Variants in TMEM178B observed in about 807,000 individuals in gnomAD.
TMEM178B encodes transmembrane protein 178B.
TMEM178B carries 5 observed loss-of-function variants against 31.0 expected under a neutral mutation model. That is an observed-to-expected ratio of 0.16 (90% CI 0.08 to 0.34). The LOEUF (loss-of-function observed/expected upper bound fraction) is 0.34, where lower values mean the gene tolerates loss of function less well. TMEM178B is among the 10% of genes least tolerant of loss of function. The pLI is 1.00. For missense variants in TMEM178B, 275 were observed against 400.3 expected (o/e 0.69, Z 2.67); for synonymous variants, 164 against 164.0 (o/e 1.00, Z 0.00).
chr7:141,092,838 G>A (rs1304266771), intron 1 of TMEM178B, among the ~76,000 whole-genome samples: 3 of 152,152 alleles, frequency 2.0e-5, no homozygotes, highest in Non-Finnish European at 4.4e-5. Context: ...CCAAGAAGCT[G>A]ACATTTGAGT....
At chr7:141,484,926 C>CT, downstream of TMEM178B, among the ~76,000 whole-genome samples, 1 of 152,074 alleles carries the variant, frequency 6.6e-6, no homozygotes. This position sits in a 1 kb window ranked among gnomAD's most constrained non-coding sequence, Gnocchi z 4.8. Flanking sequence ...AAAAATCAGT[C>CT]TGAGGTTTCA....
Position 141,477,003 on chromosome 7 carries a change from T to G in TMEM178B, c.*6217T>G, listed in dbSNP as rs574860835. 292 of 154,922 alleles carry G rather than the reference T, an allele frequency of 1.9e-3. 1 individual carries two copies. The highest frequency in any genetic ancestry group is 3.4e-3 in the Non-Finnish European group (232 of 68,238). The allele number at this position is 154,922 out of a possible 1,614,324, so 9.6% of individuals were successfully genotyped here. A position where few individuals can be genotyped will look rare whatever the true frequency, so the allele number is the denominator to read the frequency against. On this transcript the variant is annotated 3_prime_UTR_variant, in exon 4 of 4. Coordinates refer to ENST00000565468, the MANE Select transcript of TMEM178B (RefSeq NM_001195278.2). Reference sequence around the variant, plus strand: ...ACCTCAGCAAATGCAACTCCTACACTTCATTCCCAAGGACCAGGTGTTGCT... The same window carrying G: ...ACCTCAGCAAATGCAACTCCTACACGTCATTCCCAAGGACCAGGTGTTGCT...
intron 2 of TMEM178B, among the ~76,000 whole-genome samples, chr7:141,285,150 G>GTTTTTTTTTTTTT (rs1179131184): frequency 5.1e-5 from 4 of 78,962 alleles, no homozygotes; most frequent in Non-Finnish European, 1.0e-4. Flanking sequence ...CAGGATTCTT[G>GTTTTTTTTTTTTT]TTTCTTTTTT....
At position 141,366,745 on chromosome 7, in the gene TMEM178B, A is replaced by G. The variant is rs199806022; in HGVS notation, c.497-70863A>G. On this transcript the variant is annotated intron_variant, in intron 2 of 3. Coordinates refer to ENST00000565468, the MANE Select transcript of TMEM178B (RefSeq NM_001195278.2). The stretch of plus-strand genomic sequence containing the variant: ...TCTTCTTCACTTCTGCTTCCTTTCC[A>G]GAATGTAGATGTCCCTCCCCTCTCC... Among the ~76,000 whole-genome samples the G allele has an allele frequency of 4.6e-5, 7 of 151,792 alleles. No individual in the cohort carries two copies. In the East Asian group the frequency reaches 1.2e-3, roughly 25 times the overall value.
At chr7:141,117,536 G>T (rs529372444) in intron 1 of TMEM178B, among the ~76,000 whole-genome samples, 1 of 152,050 alleles carries the variant, frequency 6.6e-6, no homozygotes, top group Non-Finnish European at 1.5e-5. Flanking sequence ...GTCAATTTTG[G>T]CTTTTGTTGC....
intron 1 of TMEM178B, among the ~76,000 whole-genome samples, chr7:141,120,205 C>A (rs930227318): frequency 1.3e-5 from 2 of 152,160 alleles, no homozygotes; most frequent in Non-Finnish European, 1.5e-5. Context: ...GTCTTGTAAC[C>A]TTGGGCAAGT....
chr7:141,485,430 G>C, the TMEM178B span, among the ~76,000 whole-genome samples: 1 of 152,172 alleles, frequency 6.6e-6, no homozygotes, highest in Non-Finnish European at 1.5e-5. Flanking sequence ...TCCTCAACAA[G>C]TGGGGATAAT....
intron 2 of TMEM178B, among the ~76,000 whole-genome samples, chr7:141,279,575 C>T (rs958078438): frequency 1.3e-5 from 2 of 152,208 alleles, no homozygotes; most frequent in African/African-American, 4.8e-5. Context: ...AGCTGGCCAC[C>T]TTTGTTCTAG....
At chr7:141,130,262 T>C (rs985216072) in intron 1 of TMEM178B, among the ~76,000 whole-genome samples, 5 of 152,322 alleles carry the variant, frequency 3.3e-5, no homozygotes, top group African/African-American at 1.2e-4. Flanking sequence ...TCACATAACA[T>C]TATGCAAGTC....
At chr7:141,131,522 G>C (rs1422754203) in intron 1 of TMEM178B, among the ~76,000 whole-genome samples, 1 of 152,028 alleles carries the variant, frequency 6.6e-6, no homozygotes, top group African/African-American at 2.4e-5. Context: ...TTTTAGTATA[G>C]ATTAGTTTTG....
At chr7:141,159,955 A>C (rs947800941) in intron 1 of TMEM178B, among the ~76,000 whole-genome samples, 2 of 150,368 alleles carry the variant, frequency 1.3e-5, no homozygotes, top group African/African-American at 4.9e-5. Flanking sequence ...AATTTTAAAA[A>C]AATTGTTCAA....
chr7:141,362,194 T>G (rs1302201006), intron 2 of TMEM178B, among the ~76,000 whole-genome samples: 1 of 152,226 alleles, frequency 6.6e-6, no homozygotes, highest in Admixed American at 6.5e-5. Context: ...AAGATATGAT[T>G]TGCAATCTTC....
chr7:141,365,997 C>T (rs1269569003), intron 2 of TMEM178B, among the ~76,000 whole-genome samples: 3 of 152,200 alleles, frequency 2.0e-5, no homozygotes, highest in Non-Finnish European at 2.9e-5. Context: ...GTCTGCCTCT[C>T]CCATCTCTTG....
chr7:141,447,543 G>A (rs1424569387), intron 3 of TMEM178B, among the ~76,000 whole-genome samples: 3 of 152,068 alleles, frequency 2.0e-5, no homozygotes, highest in African/African-American at 4.8e-5. Context: ...GCGTCCATCC[G>A]CATTCTGCTT....
intron 1 of TMEM178B, among the ~76,000 whole-genome samples, chr7:141,091,943 G>C (rs1057001805): frequency 6.6e-5 from 10 of 152,138 alleles, no homozygotes; most frequent in African/African-American, 2.4e-4. Context: ...GGCCAGACTG[G>C]CCTCGAACTC....
chr7:141,288,437 C>T (rs1222147430), intron 2 of TMEM178B, among the ~76,000 whole-genome samples: 1 of 149,774 alleles, frequency 6.7e-6, no homozygotes, highest in Non-Finnish European at 1.5e-5. Flanking sequence ...GGCTCCTTAG[C>T]TTCTACCTAC....
chr7:141,469,322 T>C (rs542877088), intron 3 of TMEM178B, among the ~76,000 whole-genome samples: 1 of 152,340 alleles, frequency 6.6e-6, no homozygotes, highest in East Asian at 1.9e-4. Flanking sequence ...TTAATACTTA[T>C]TTTAGGGTCA....
intron 1 of TMEM178B, among the ~76,000 whole-genome samples, chr7:141,097,949 G>A (rs1457836365): frequency 6.6e-6 from 1 of 151,738 alleles, no homozygotes; most frequent in Non-Finnish European, 1.5e-5. Flanking sequence ...GTGCCACCAT[G>A]CCTGGCTAAT....
At chr7:141,131,285 G>A (rs934987883) in intron 1 of TMEM178B, among the ~76,000 whole-genome samples, 4 of 152,088 alleles carry the variant, frequency 2.6e-5, no homozygotes, top group Admixed American at 6.6e-5. Flanking sequence ...GTATTTTTGT[G>A]TGCTCTTTAT....
Sources: gnomAD v4.1 joint callset for allele counts (sites outside exome capture counted in the v4.1 genomes callset) on GRCh38, gnomAD v4.1.1 for gene constraint, Gnocchi (gnomAD v3.1) non-coding constraint, MANE v1.5 for transcripts, NCBI Gene and HGNC (gene_info 2026-07-23, HGNC 2026-07-21) for gene names.